The following DTNB variants were observed in gnomAD, a reference collection of about 807,000 sequenced individuals.
The protein encoded by DTNB is DTN-B.
A neutral mutation model predicts 90.7 loss-of-function variants in DTNB; 63 were observed. That is an observed-to-expected ratio of 0.69 (90% CI 0.57 to 0.86). The LOEUF (loss-of-function observed/expected upper bound fraction) is 0.86, where lower values mean the gene tolerates loss of function less well. Among genes scored for constraint, DTNB ranks in the 40% least tolerant of loss-of-function variants. The pLI is 0.00. For synonymous variants in DTNB, 277 were observed against 286.7 expected (o/e 0.97, Z 0.34); for missense variants, 744 against 807.1 (o/e 0.92, Z 0.95).
At chr2:25,621,609 ATTTT>A (rs758895953) in intron 4 of DTNB, among the ~76,000 whole-genome samples, 1 of 106,002 alleles carries the variant, frequency 9.4e-6, no homozygotes, top group Non-Finnish European at 1.8e-5. Flanking sequence ...TGCCTGGCTA[ATTTT>A]TTTTTTTTTT....
At chr2:25,540,719 A>G (rs1432945567) in intron 8 of DTNB, among the ~76,000 whole-genome samples, 3 of 152,076 alleles carry the variant, frequency 2.0e-5, no homozygotes, top group Non-Finnish European at 4.4e-5. Flanking sequence ...CTGCCTTGGG[A>G]TCCTGTTGAT....
At chr2:25,526,374 T>C in intron 9 of DTNB, among the ~76,000 whole-genome samples, 1 of 31,918 alleles carries the variant, frequency 3.1e-5, no homozygotes, top group South Asian at 9.4e-4. Flanking sequence ...TATATATATA[T>C]ATATATATAT....
At chr2:25,499,149 G>A (rs953093514) in intron 9 of DTNB, among the ~76,000 whole-genome samples, 5 of 151,622 alleles carry the variant, frequency 3.3e-5, no homozygotes, top group Admixed American at 6.6e-5. Context: ...CCGGGGAGGC[G>A]GAGGACGCAC....
rs368967650 is a variant in DTNB, at chr2:25,580,781, G to A, written c.649C>T (p.Pro217Ser). 5.6e-6 allele frequency: 9 copies of A among 1,613,456 alleles called. No homozygotes were observed. In the East Asian group the frequency reaches 1.6e-4, roughly 28 times the overall value. ...AGCCAGACAAGGCACTGGGGAGGAG[G>A]GTCAGCCATCATTGTGTCTAAAAAC... ...NMFLDTMMADPPPQCLVWLPL... is the reference protein window; with the variant it reads ...NMFLDTMMADSPPQCLVWLPL... The change falls in exon 7 of 21, where the codon CCT becomes TCT. Residue 217 changes from proline (P) to serine (S), a missense_variant. Pro to Ser is a moderately conservative substitution (Grantham distance 74). Transcript: ENST00000406818.
At chr2:25,642,784 C>T (rs1439895800) in intron 2 of DTNB, among the ~76,000 whole-genome samples, 1 of 151,820 alleles carries the variant, frequency 6.6e-6, no homozygotes, top group Non-Finnish European at 1.5e-5. Flanking sequence ...GATAGAGTCT[C>T]GCTCTGTCAC....
chr2:25,405,857 G>T (rs2045004207), intron 16 of DTNB, among the ~76,000 whole-genome samples: 1 of 152,128 alleles, frequency 6.6e-6, no homozygotes, highest in Non-Finnish European at 1.5e-5. Context: ...CAAGCTCTGG[G>T]CAATGGCACA....
chr2:25,445,018 T>C (rs1009947178), intron 12 of DTNB, among the ~76,000 whole-genome samples: 10 of 152,294 alleles, frequency 6.6e-5, no homozygotes, highest in South Asian at 6.2e-4. Flanking sequence ...AATTAAAGAA[T>C]TGGCATCAGA....
At chr2:25,391,358 T>G (rs553939222) in intron 16 of DTNB, among the ~76,000 whole-genome samples, 1 of 152,306 alleles carries the variant, frequency 6.6e-6, no homozygotes, top group African/African-American at 2.4e-5. Flanking sequence ...AAACTATATA[T>G]GATACATGAT....
intron 10 of DTNB, among the ~76,000 whole-genome samples, chr2:25,461,501 G>A (rs2060943529): frequency 6.6e-6 from 1 of 152,148 alleles, no homozygotes. Flanking sequence ...TCAGAAATTT[G>A]TTTTTCCAAA....
At chr2:25,446,540 G>A (rs2058454847) in intron 12 of DTNB, among the ~76,000 whole-genome samples, 1 of 152,142 alleles carries the variant, frequency 6.6e-6, no homozygotes, top group Non-Finnish European at 1.5e-5. Context: ...ACAGGTGTGA[G>A]CCACTGTATC....
intron 7 of DTNB, among the ~76,000 whole-genome samples, chr2:25,579,108 C>T (rs866577824): frequency 6.6e-6 from 1 of 152,228 alleles, no homozygotes; most frequent in Middle Eastern, 3.4e-3. Context: ...GATAATAATA[C>T]ATCTTGACAA....
At chr2:25,617,687 G>A (rs1559254170) in intron 4 of DTNB, among the ~76,000 whole-genome samples, 1 of 152,174 alleles carries the variant, frequency 6.6e-6, no homozygotes, top group Non-Finnish European at 1.5e-5. Flanking sequence ...GAGACCAAGA[G>A]TTTGAGACCA....
At chr2:25,666,482 C>T (rs2384255) in intron 1 of DTNB, among the ~76,000 whole-genome samples, 2 of 81,380 alleles carry the variant, frequency 2.5e-5, no homozygotes, top group East Asian at 5.9e-4. Flanking sequence ...CATTATTATA[C>T]TTATTCTTGT....
At chr2:25,464,812 C>A (rs2061519314) in intron 10 of DTNB, among the ~76,000 whole-genome samples, 1 of 152,152 alleles carries the variant, frequency 6.6e-6, no homozygotes, top group Non-Finnish European at 1.5e-5. Flanking sequence ...CATGAGAAAA[C>A]CATGAAGGAC....
At chr2:25,624,417 G>A (rs1204204760) in intron 4 of DTNB, among the ~76,000 whole-genome samples, 3 of 152,212 alleles carry the variant, frequency 2.0e-5, no homozygotes, top group African/African-American at 7.2e-5. Context: ...CAAAGAGGAG[G>A]CATTTAGTAG....
chr2:25,525,876 T>C (rs1029256825), intron 9 of DTNB, among the ~76,000 whole-genome samples: 6 of 150,998 alleles, frequency 4.0e-5, no homozygotes, highest in African/African-American at 1.5e-4. Context: ...GGGTGAGAGG[T>C]TGCATTAAGA....
intron 18 of DTNB, among the ~76,000 whole-genome samples, chr2:25,386,442 G>A (rs2039490580): frequency 6.6e-6 from 1 of 152,158 alleles, no homozygotes; most frequent in African/African-American, 2.4e-5. Context: ...TACATTAGGT[G>A]GAAAGAAACA....
intron 15 of DTNB, chr2:25,421,030 A>G (rs1442303460): frequency 6.6e-6 from 1 of 152,220 alleles, no homozygotes; most frequent in Non-Finnish European, 1.5e-5. Flanking sequence ...TCTTTGGCCT[A>G]GTATGTAAAT....
At chr2:25,671,173 G>A (rs1390169642) in intron 1 of DTNB, among the ~76,000 whole-genome samples, 1 of 152,062 alleles carries the variant, frequency 6.6e-6, no homozygotes, top group African/African-American at 2.4e-5. Flanking sequence ...CTTTATCATA[G>A]ATACTTAAGT....
Sources: allele counts gnomAD v4.1 joint callset (sites outside exome capture counted in the v4.1 genomes callset), GRCh38; gene constraint gnomAD v4.1.1; transcripts MANE v1.5; gene names NCBI Gene and HGNC (gene_info 2026-07-23, HGNC 2026-07-21).